ETS1: variants seen among roughly 807,000 people sequenced by gnomAD.
The protein encoded by ETS1 is protein C-ets-1.
A neutral mutation model predicts 58.6 loss-of-function variants in ETS1; 15 were observed. The ratio of observed to expected loss-of-function variants is 0.26; its 90% CI spans 0.17 to 0.39. The LOEUF is 0.39. Ranked by LOEUF, ETS1 falls within the 10% of genes least tolerant of loss-of-function variation. The pLI, the probability that ETS1 is intolerant of heterozygous loss-of-function variation, is 1.00. For missense variants in ETS1, 417 were observed against 610.5 expected, an observed-to-expected ratio of 0.68 and a Z score of 3.34; for synonymous variants, 214 against 218.2, an observed-to-expected ratio of 0.98 and a Z score of 0.17.
chr11:128,496,355 TTTCCTCTTAATGGTC>T (rs1862940500), intron 3 of ETS1, among the ~76,000 whole-genome samples: 1 of 151,948 alleles, frequency 6.6e-6, no homozygotes, highest in African/African-American at 2.4e-5. Context: ...TGCAGTGATA[TTTCCTCTTAATGGTC>T]AACATCCTCA....
chr11:128,469,876 C>T (rs1862138211), intron 8 of ETS1, among the ~76,000 whole-genome samples: 1 of 152,234 alleles, frequency 6.6e-6, no homozygotes, highest in South Asian at 2.1e-4. Flanking sequence ...CTAACACACT[C>T]CATGTATAAC....
intron 3 of ETS1, chr11:128,521,910 C>T (rs1339419933): frequency 6.3e-7 from 1 of 1,596,608 alleles, no homozygotes; most frequent in South Asian, 1.1e-5. Flanking sequence ...CGTCGCCACT[C>T]ACCCGGGGAG....
At chr11:128,546,664 T>C (rs1304541078) in intron 3 of ETS1, among the ~76,000 whole-genome samples, 1 of 152,296 alleles carries the variant, frequency 6.6e-6, no homozygotes, top group South Asian at 2.1e-4. Context: ...AAAAAATTTT[T>C]TTTTTGCTCT....
intron 3 of ETS1, chr11:128,521,784 G>T: frequency 3.0e-6 from 2 of 664,742 alleles, no homozygotes; most frequent in South Asian, 2.1e-5. Flanking sequence ...AGATCCAGCT[G>T]CCAACAGCAT....
intron 3 of ETS1, among the ~76,000 whole-genome samples, chr11:128,540,320 C>CA (rs112191021): frequency 0.59 from 49,767 of 83,712 alleles, 12,872 homozygotes; most frequent in South Asian, 0.76. Flanking sequence ...AATTCCATCT[C>CA]AAAAAAAAAA....
At chr11:128,487,264 G>C (rs1461137379) in intron 5 of ETS1, among the ~76,000 whole-genome samples, 1 of 152,134 alleles carries the variant, frequency 6.6e-6, no homozygotes, top group Non-Finnish European at 1.5e-5. Flanking sequence ...ACAGAATATT[G>C]GGTGGGAAGA....
intron 3 of ETS1, among the ~76,000 whole-genome samples, chr11:128,535,818 G>C (rs1361306843): frequency 2.6e-5 from 4 of 152,188 alleles, no homozygotes; most frequent in Non-Finnish European, 5.9e-5. Context: ...CTTCCAGATA[G>C]AAAGAGAAAT....
intron 3 of ETS1, among the ~76,000 whole-genome samples, chr11:128,499,333 A>G (rs950833481): frequency 3.9e-5 from 6 of 152,228 alleles, no homozygotes; most frequent in African/African-American, 9.7e-5. Flanking sequence ...ACTCCCACCT[A>G]TAATTATCAT....
chr11:128,462,681 T>C (rs1474567383), intron 9 of ETS1, 105 bp from the exon 10 acceptor site: 4 of 799,438 alleles, frequency 5.0e-6, no homozygotes, highest in Non-Finnish European at 6.1e-6. Context: ...TGGTGACCCA[T>C]GATGCTCAAG....
chr11:128,476,673 T>C (rs1302370672), intron 8 of ETS1, among the ~76,000 whole-genome samples: 1 of 152,254 alleles, frequency 6.6e-6, no homozygotes, highest in African/African-American at 2.4e-5. Context: ...GGAAAGCGTT[T>C]TGCTTAGGTC....
At chr11:128,509,236 A>T (rs1325834641) in intron 3 of ETS1, among the ~76,000 whole-genome samples, 1 of 152,226 alleles carries the variant, frequency 6.6e-6, no homozygotes, top group African/African-American at 2.4e-5. Flanking sequence ...CTTTATTTTT[A>T]AAAATCTCCA....
Position 128,522,196 on chromosome 11 carries a change from G to A in ETS1, c.215-31620C>T, listed in dbSNP as rs184469921. 818 of 1,239,830 alleles carry A rather than the reference G, an allele frequency of 6.6e-4. 6 individuals carry two copies. The African/African-American group carries it at 0.012, about 17-fold the overall frequency. The allele number at this position is 1,239,830 out of a possible 1,614,324, so 76.8% of individuals were successfully genotyped here. A position where few individuals can be genotyped will look rare whatever the true frequency, so the allele number is the denominator to read the frequency against. On this transcript the variant is annotated intron_variant, in intron 3 of 9. Transcript: ENST00000392668. Reference sequence around the variant, plus strand: ...ACTCCAGGGGAAGTTGGCACTTTGCGGCGAAGTGAGCGCGCTCGGGTCCCA... The same window carrying A: ...ACTCCAGGGGAAGTTGGCACTTTGCAGCGAAGTGAGCGCGCTCGGGTCCCA...
At chr11:128,511,421 G>C (rs1017509680) in intron 3 of ETS1, among the ~76,000 whole-genome samples, 5 of 152,052 alleles carry the variant, frequency 3.3e-5, no homozygotes, top group Admixed American at 6.5e-5. Flanking sequence ...TTTTCCTTGA[G>C]AAGGAACTAA....
intron 8 of ETS1, among the ~76,000 whole-genome samples, chr11:128,476,443 G>A (rs1862325309): frequency 6.6e-6 from 1 of 152,216 alleles, no homozygotes; most frequent in South Asian, 2.1e-4. Flanking sequence ...GACATTTGGT[G>A]CTTAAGATTC....
At chr11:128,576,090 T>C (rs1864740891) in intron 1 of ETS1, among the ~76,000 whole-genome samples, 1 of 152,198 alleles carries the variant, frequency 6.6e-6, no homozygotes, top group Non-Finnish European at 1.5e-5. Flanking sequence ...GCTATGACTG[T>C]ATGAATGACA....
rs562109716 is a variant in ETS1 at position 128,577,424 on chromosome 11, G to A, written c.-14-4280C>T. The stretch of plus-strand genomic sequence containing the variant: ...TACTCTGACACCTAGGTGTTTGTTC[G>A]TTGTCTTCTCCAAAGTCCACTCTGT... On this transcript the variant is annotated intron_variant, in intron 1 of 9. Transcript: ENST00000392668. Among the ~76,000 whole-genome samples, 6 of 152,256 alleles carry A rather than the reference G, an allele frequency of 3.9e-5. No individual in the cohort carries two copies. The South Asian group carries it at 1.0e-3, about 26-fold the overall frequency.
chr11:128,492,860 G>A (rs144541762), intron 3 of ETS1, among the ~76,000 whole-genome samples: 117 of 152,296 alleles, frequency 7.7e-4, no homozygotes, highest in African/African-American at 2.3e-3. Context: ...AGAAACAACT[G>A]TAGCAGCCCC....
At position 128,484,964 on chromosome 11, in the gene ETS1, G is replaced by C. The variant is rs781717751; in HGVS notation, c.721C>G (p.Leu241Val). ...TAGTCATTCTCATACTTGAGGGAGA[G>C]GAGCTCTTCCGAGCTGATGGGATGG... ...TLHPISSEEL[L>V]SLKYENDYPS... The change falls in exon 7 of 10, where the codon CTC becomes GTC. Residue 241 changes from leucine to valine, a missense_variant. Leu to Val is a conservative substitution (Grantham distance 32). Around this residue, in one of 4 missense-constraint regions of ETS1, gnomAD observed 132 missense variants for 212.1 expected, o/e 0.62. Coordinates refer to ENST00000392668, the MANE Select transcript of ETS1 (RefSeq NM_001143820.2). 1.9e-6 allele frequency: 3 copies of C among 1,614,054 alleles called. No homozygotes were observed. The highest frequency in any genetic ancestry group is 3.3e-4 in the Middle Eastern group (2 of 6,062).
intron 7 of ETS1, among the ~76,000 whole-genome samples, chr11:128,483,628 C>A (rs946958937): frequency 3.9e-5 from 6 of 152,234 alleles, no homozygotes; most frequent in Non-Finnish European, 1.5e-5. Flanking sequence ...ATTAGGGGTT[C>A]TGATTTTGCA....
Sources: allele counts gnomAD v4.1 joint callset (sites outside exome capture counted in the v4.1 genomes callset), GRCh38; gene constraint gnomAD v4.1.1; regional missense constraint gnomAD v4.1.1; transcripts MANE v1.5; gene names NCBI Gene and HGNC (gene_info 2026-07-23, HGNC 2026-07-21).